NFIA: variants seen among roughly 807,000 people sequenced by gnomAD.
The protein encoded by NFIA is nuclear factor I A, also known as nuclear factor 1 A-type.
In NFIA, 8 loss-of-function variants were observed where a neutral mutation model predicts 62.8. That is an observed-to-expected ratio of 0.13 (90% CI 0.07 to 0.23). The LOEUF (loss-of-function observed/expected upper bound fraction) is 0.23, where lower values mean the gene tolerates loss of function less well. Ranked by LOEUF, NFIA falls within the 10% of genes least tolerant of loss-of-function variation. The probability of loss-of-function intolerance (pLI) is 1.00; values close to 1 mark genes in which losing one functional copy is unlikely to be tolerated. For missense variants in NFIA, 410 were observed against 642.1 expected, an observed-to-expected ratio of 0.64 and a Z score of 3.91; for synonymous variants, 235 against 238.1, an observed-to-expected ratio of 0.99 and a Z score of 0.12.
intron 5 of NFIA, among the ~76,000 whole-genome samples, chr1:61,355,378 C>T (rs904368735): frequency 1.3e-5 from 2 of 152,128 alleles, no homozygotes; most frequent in Non-Finnish European, 1.5e-5. Flanking sequence ...TGTACCCCTT[C>T]AGGGTAAACA....
At chr1:61,254,857 G>T (rs1297556520) in intron 2 of NFIA, among the ~76,000 whole-genome samples, 1 of 152,172 alleles carries the variant, frequency 6.6e-6, no homozygotes, top group Non-Finnish European at 1.5e-5. Flanking sequence ...AAGACAGTCT[G>T]CCTTAAAGCA....
At chr1:61,408,111 T>C (rs1003313721) in intron 9 of NFIA, among the ~76,000 whole-genome samples, 1 of 152,222 alleles carries the variant, frequency 6.6e-6, no homozygotes, top group Non-Finnish European at 1.5e-5. Flanking sequence ...TGATAATATA[T>C]GCAGAAATGA....
chr1:61,369,880 A>G (rs1255951441), intron 6 of NFIA, among the ~76,000 whole-genome samples: 1 of 152,104 alleles, frequency 6.6e-6, no homozygotes, highest in Non-Finnish European at 1.5e-5. Context: ...TCCCTCTCTC[A>G]TAGGGTCTTA....
At chr1:61,284,553 CT>C (rs1197876880) in intron 3 of NFIA, among the ~76,000 whole-genome samples, 9 of 138,306 alleles carry the variant, frequency 6.5e-5, no homozygotes, top group Admixed American at 6.3e-4. Flanking sequence ...CTTAAGGCGC[CT>C]TTTCAACTGA....
At chr1:61,437,320 G>A (rs1301799633) in intron 10 of NFIA, among the ~76,000 whole-genome samples, 2 of 152,086 alleles carry the variant, frequency 1.3e-5, no homozygotes, top group African/African-American at 2.4e-5. Flanking sequence ...GAATAACATA[G>A]TAGGTCTAAT....
At chr1:61,449,542 G>A (rs1363813135) in intron 10 of NFIA, among the ~76,000 whole-genome samples, 2 of 152,202 alleles carry the variant, frequency 1.3e-5, no homozygotes, top group Non-Finnish European at 1.5e-5. Context: ...GGACTAGTAA[G>A]CATTAGCAAA....
upstream of NFIA, chr1:61,081,983 G>C (rs144213945): frequency 9.0e-6 from 14 of 1,550,498 alleles, 1 homozygote; most frequent in Admixed American, 1.4e-4. Context: ...GGTTCTCTAC[G>C]TGCCCACGCG....
chr1:61,452,254 AATTATTATTATT>A (rs57519983), intron 10 of NFIA, among the ~76,000 whole-genome samples: 47 of 148,214 alleles, frequency 3.2e-4, no homozygotes, highest in Non-Finnish European at 6.7e-4. Context: ...GAGATGTATG[AATTATTATTATT>A]ATTATTATTA....
intron 3 of NFIA, among the ~76,000 whole-genome samples, chr1:61,300,014 AG>A (rs1223156127): frequency 1.3e-5 from 2 of 152,104 alleles, no homozygotes; most frequent in African/African-American, 2.4e-5. Context: ...TCCCAGTAAA[AG>A]TTTCTGGAAC....
chr1:61,093,555 C>T (rs1646359490), intron 2 of NFIA, among the ~76,000 whole-genome samples: 1 of 152,030 alleles, frequency 6.6e-6, no homozygotes. Context: ...TAGCAGTCAA[C>T]AAATTTGAGA....
rs1399932369 is a variant in NFIA at position 61,219,733 on chromosome 1, AGGC to A, written c.560-57784_560-57782del. On this transcript the variant is annotated intron_variant, in intron 2 of 10. Coordinates refer to ENST00000403491, the MANE Select transcript of NFIA (RefSeq NM_001134673.4). ...CGTCTCAAAAAAAAAAAAAGAAAAA[AGGC>A]GGGCGGATCACGAGGTCAAAAGATC... 1.9e-4 allele frequency among the ~76,000 whole-genome samples: 28 copies of A among 146,698 alleles called. 1 individual carries two copies. The highest frequency in any genetic ancestry group is 1.3e-3 in the East Asian group (6 of 4,738).
At chr1:61,377,286 A>G (rs1664198261) in intron 6 of NFIA, among the ~76,000 whole-genome samples, 1 of 152,068 alleles carries the variant, frequency 6.6e-6, no homozygotes, top group Non-Finnish European at 1.5e-5. Context: ...CATGGCACAT[A>G]GTGGGCACTT....
At chr1:61,200,048 A>ATG (rs1557632035) in intron 2 of NFIA, among the ~76,000 whole-genome samples, 1 of 48,414 alleles carries the variant, frequency 2.1e-5, no homozygotes, top group African/African-American at 1.2e-4. Context: ...ATATATATAT[A>ATG]TATATATATA....
chr1:61,385,103 GC>G (rs11333276), intron 7 of NFIA, among the ~76,000 whole-genome samples: 12,405 of 152,142 alleles, frequency 0.082, 583 homozygotes, highest in Middle Eastern at 0.14. Context: ...AGGTGTGGTG[GC>G]ACATGCCTGT....
intron 3 of NFIA, among the ~76,000 whole-genome samples, chr1:61,305,811 C>G (rs1261969949): frequency 6.7e-6 from 1 of 150,034 alleles, no homozygotes; most frequent in Admixed American, 6.6e-5. Flanking sequence ...CAAAGGATTG[C>G]TTTCCTGTTA....
chr1:61,428,820 A>G (rs955581387), intron 10 of NFIA, among the ~76,000 whole-genome samples: 20 of 152,200 alleles, frequency 1.3e-4, no homozygotes, highest in African/African-American at 4.8e-4. Context: ...GTTTTTCTAT[A>G]TTGATACCCT....
At chr1:61,261,961 TA>T (rs1471961723) in intron 2 of NFIA, among the ~76,000 whole-genome samples, 3 of 152,194 alleles carry the variant, frequency 2.0e-5, no homozygotes, top group African/African-American at 7.2e-5. Context: ...TGATCTTTTT[TA>T]TTTTAAAACA....
At chr1:61,182,686 A>T (rs893674275) in intron 2 of NFIA, among the ~76,000 whole-genome samples, 3 of 152,252 alleles carry the variant, frequency 2.0e-5, no homozygotes, top group Admixed American at 6.5e-5. Flanking sequence ...GTTCCATAAT[A>T]TCAAAAAAAT....
intron 2 of NFIA, among the ~76,000 whole-genome samples, chr1:61,254,063 T>G (rs1305307008): frequency 6.6e-6 from 1 of 152,214 alleles, no homozygotes; most frequent in Admixed American, 6.5e-5. Context: ...GGTGTTTGAG[T>G]AAGACTTCAT....
Sources: gnomAD v4.1 joint callset for allele counts (sites outside exome capture counted in the v4.1 genomes callset) on GRCh38, gnomAD v4.1.1 for gene constraint, MANE v1.5 for transcripts, NCBI Gene and HGNC (gene_info 2026-07-23, HGNC 2026-07-21) for gene names.